Variants in OVCH1 observed in about 807,000 individuals in gnomAD.
The protein encoded by OVCH1 is ovochymase-1.
Under a neutral mutation model 138.4 loss-of-function variants are expected in OVCH1, and 139 were observed. The ratio of observed to expected loss-of-function variants is 1.00; its 90% confidence interval spans 0.87 to 1.16. OVCH1 has a LOEUF of 1.16. Ranked by LOEUF, OVCH1 falls within the 50% of genes most tolerant of loss-of-function variation. OVCH1 has a pLI of 0.00. For missense variants in OVCH1, 1,367 were observed against 1,357.9 expected (o/e 1.01, Z -0.11); for synonymous variants, 453 against 467.8 (o/e 0.97, Z 0.41).
exon 24 of OVCH1, chr12:29,444,158 T>C: frequency 6.2e-7 from 1 of 1,607,846 alleles, no homozygotes; most frequent in Non-Finnish European, 8.5e-7. Context: ...ATAGTAGTTC[T>C]GTGAGAATTT....
intron 7 of OVCH1, chr12:29,486,804 G>C: frequency 2.5e-6 from 1 of 404,180 alleles, no homozygotes; most frequent in Middle Eastern, 3.6e-4. Context: ...ATTAATGTCT[G>C]ATTTCATTGC....
downstream of OVCH1, among the ~76,000 whole-genome samples, chr12:29,410,920 C>T: frequency 6.6e-6 from 1 of 152,016 alleles, no homozygotes; most frequent in Non-Finnish European, 1.5e-5. Context: ...CATCTTGGTT[C>T]CATTCTCCCC....
chr12:29,423,348 A>T (rs1287692359), downstream of OVCH1: 2 of 451,388 alleles, frequency 4.4e-6, no homozygotes, highest in African/African-American at 4.0e-5. Context: ...CTGTGCAATG[A>T]CATAACTGAA....
chr12:29,405,053 A>AAAAC, the OVCH1 span, among the ~76,000 whole-genome samples: 1 of 124,774 alleles, frequency 8.0e-6, no homozygotes, highest in African/African-American at 2.8e-5. Flanking sequence ...AAAAAAAAAA[A>AAAAC]AAACAAAAGA....
At chr12:29,403,498 C>T in the OVCH1 span, among the ~76,000 whole-genome samples, 17 of 152,286 alleles carry the variant, frequency 1.1e-4, no homozygotes, top group Non-Finnish European at 2.2e-4. Flanking sequence ...CCTCAGGCTC[C>T]TATTCATTTT....
At chr12:29,422,528 G>A (rs1314195896) in intron 3 of OVCH1, among the ~76,000 whole-genome samples, 1 of 152,176 alleles carries the variant, frequency 6.6e-6, no homozygotes, top group African/African-American at 2.4e-5. Context: ...TTGATGGTAT[G>A]TGTATTGTTG....
intron 26 of OVCH1, among the ~76,000 whole-genome samples, chr12:29,437,799 T>C (rs981814913): frequency 2.0e-5 from 3 of 152,212 alleles, no homozygotes; most frequent in African/African-American, 7.2e-5. Context: ...TGTTTTGTGT[T>C]CTCAAAAGCA....
intron 3 of OVCH1, chr12:29,412,780 G>T (rs1205816363): frequency 6.6e-6 from 1 of 152,166 alleles, no homozygotes; most frequent in Non-Finnish European, 1.5e-5. Flanking sequence ...CTATAGGATT[G>T]ATGTTAATAT....
chr12:29,477,244 T>C lies in OVCH1; in HGVS notation c.1247-12A>G, dbSNP rs746717545. On this transcript the variant is annotated splice_polypyrimidine_tract_variant and intron_variant, in intron 11 of 27. Transcript: ENST00000318184. ...CCCACAACCTGACCCTGTGGAAGCA[T>C]TGGGGAAATTCAAAGTGAATGGCCA... is the stretch of plus-strand genomic sequence containing the variant. 165 of 1,613,278 alleles carry C rather than the reference T, an allele frequency of 1.0e-4. No individual in the cohort carries two copies. Among genetic ancestry groups the C allele is most frequent in the Non-Finnish European group, 1.3e-4 (148 of 1,179,554 alleles).
chr12:29,417,593 G>A (rs1224992331), intron 3 of OVCH1, among the ~76,000 whole-genome samples: 2 of 151,884 alleles, frequency 1.3e-5, no homozygotes, highest in Admixed American at 1.3e-4. Context: ...AGAGTATATT[G>A]GGTGCCTGTA....
chr12:29,439,544 C>T, intron 25 of OVCH1: 1 of 1,291,694 alleles, frequency 7.7e-7, no homozygotes, highest in Non-Finnish European at 1.0e-6. Flanking sequence ...ATCTCTACTA[C>T]AACTACTGCT....
chr12:29,433,052 TAA>T (rs1021410897), intron 27 of OVCH1, among the ~76,000 whole-genome samples: 1 of 151,974 alleles, frequency 6.6e-6, no homozygotes. Context: ...GGAGTCTTGC[TAA>T]AAAAAAGAGA....
intron 25 of OVCH1, among the ~76,000 whole-genome samples, chr12:29,440,185 A>C (rs1287120621): frequency 2.6e-5 from 4 of 152,176 alleles, no homozygotes; most frequent in Non-Finnish European, 5.9e-5. Flanking sequence ...TAGAAGAGAA[A>C]TATTTTTTTA....
At chr12:29,458,854 A>C (rs1942037934) in intron 19 of OVCH1, among the ~76,000 whole-genome samples, 1 of 152,228 alleles carries the variant, frequency 6.6e-6, no homozygotes, top group African/African-American at 2.4e-5. Flanking sequence ...TCTCAAAAGA[A>C]GACATACAAA....
Position 29,477,480 on chromosome 12 carries a change from T to C in OVCH1, c.1114-7A>G, listed in dbSNP as rs971832723. On this transcript the variant is annotated splice_region_variant and splice_polypyrimidine_tract_variant and intron_variant, in intron 10 of 27. Coordinates refer to ENST00000318184, the Ensembl canonical transcript of OVCH1. ...GCAATATTTTTCCACAGACCTTACC[T>C]TAAAAGAAGAGAAGGAAAGTGAAAT... The C allele has an allele frequency of 3.1e-6, 5 of 1,613,780 alleles. No homozygotes were observed. The African/African-American group carries it at 4.0e-5, about 13-fold the overall frequency.
chr12:29,486,283 C>G, exon 8 of OVCH1: 1 of 1,613,842 alleles, frequency 6.2e-7, no homozygotes, highest in Non-Finnish European at 8.5e-7. Flanking sequence ...ACTTCTTGGA[C>G]AGAACTCAGG....
At chr12:29,438,699 C>A (rs920343226) in intron 26 of OVCH1, among the ~76,000 whole-genome samples, 6 of 152,200 alleles carry the variant, frequency 3.9e-5, no homozygotes, top group Admixed American at 3.9e-4. Flanking sequence ...GCTTTTATTA[C>A]TAAATGTAAT....
At chr12:29,462,772 C>G (rs1673188819) in intron 18 of OVCH1, among the ~76,000 whole-genome samples, 2 of 152,060 alleles carry the variant, frequency 1.3e-5, no homozygotes, top group African/African-American at 4.8e-5. Flanking sequence ...ACACTGATCT[C>G]ACATATGAAA....
chr12:29,464,543 T>A (rs771395836), exon 18 of OVCH1: 13 of 1,613,384 alleles, frequency 8.1e-6, no homozygotes, highest in Non-Finnish European at 1.0e-5. Context: ...ACAGCACAGA[T>A]CTCCGAGGAA....
Sources: allele counts gnomAD v4.1 joint callset (sites outside exome capture counted in the v4.1 genomes callset), GRCh38; gene constraint gnomAD v4.1.1; transcripts MANE v1.5; gene names NCBI Gene and HGNC (gene_info 2026-07-23, HGNC 2026-07-21).